The following FNDC3B variants were observed in gnomAD, a reference collection of about 807,000 sequenced individuals.
FNDC3B encodes fibronectin type III domain-containing protein 3B.
A neutral mutation model predicts 151.5 loss-of-function variants in FNDC3B; 12 were observed. The observed-to-expected ratio is 0.08, with a 90% CI of 0.05 to 0.13. The LOEUF (loss-of-function observed/expected upper bound fraction) is 0.13, where lower values mean the gene tolerates loss of function less well. Ranked by LOEUF, FNDC3B falls within the 10% of genes least tolerant of loss-of-function variation. FNDC3B has a pLI of 1.00. For synonymous variants in FNDC3B, 528 were observed against 549.0 expected, an observed-to-expected ratio of 0.96 and a Z score of 0.54; for missense variants, 1,214 against 1,505.3, an observed-to-expected ratio of 0.81 and a Z score of 3.20.
chr3:172,371,756 A>G (rs1734894770), intron 23 of FNDC3B, among the ~76,000 whole-genome samples: 1 of 152,174 alleles, frequency 6.6e-6, no homozygotes, highest in Non-Finnish European at 1.5e-5. Flanking sequence ...TGGACTCACC[A>G]GGACAGGGTG....
chr3:172,316,000 C>CTTTTTTTTT (rs555242809), intron 11 of FNDC3B, among the ~76,000 whole-genome samples: 16 of 79,882 alleles, frequency 2.0e-4, no homozygotes, highest in Non-Finnish European at 3.4e-4. Context: ...CTTTCTTCTT[C>CTTTTTTTTT]TTTTTTTTTT....
chr3:172,373,991 A>G lies in FNDC3B; in HGVS notation c.3009-4279A>G, dbSNP rs570791551. ...CATTTCATGCTAGGGTTTACCAGAA[A>G]GAAACTTAGAATCAACAGTTATCTG... On this transcript the variant is annotated intron_variant, in intron 23 of 25. Transcript: ENST00000415807. 4.6e-5 allele frequency among the ~76,000 whole-genome samples: 7 copies of G among 152,378 alleles called. No individual in the cohort carries two copies. In the East Asian group the frequency reaches 1.2e-3, roughly 25 times the overall value.
chr3:172,138,121 T>G (rs138968739), intron 3 of FNDC3B, among the ~76,000 whole-genome samples: 24 of 152,348 alleles, frequency 1.6e-4, no homozygotes, highest in Non-Finnish European at 1.2e-4. Flanking sequence ...ATGCTTCCTT[T>G]AAGACTTTAG....
At chr3:172,297,855 A>T (rs939358105) in intron 8 of FNDC3B, among the ~76,000 whole-genome samples, 1 of 152,204 alleles carries the variant, frequency 6.6e-6, no homozygotes, top group Non-Finnish European at 1.5e-5. Flanking sequence ...TTTTTAAAGA[A>T]CCACAGTGTA....
intron 9 of FNDC3B, among the ~76,000 whole-genome samples, chr3:172,299,199 T>C (rs922121525): frequency 3.3e-5 from 5 of 152,188 alleles, no homozygotes; most frequent in African/African-American, 1.2e-4. Context: ...AAGCACACCG[T>C]TAGACCTTAA....
chr3:172,332,207 T>C (rs1376294901), intron 13 of FNDC3B, among the ~76,000 whole-genome samples: 2 of 152,056 alleles, frequency 1.3e-5, no homozygotes, highest in Non-Finnish European at 2.9e-5. Flanking sequence ...CAACCTCAGG[T>C]GATCTGCCCA....
At chr3:172,046,142 A>G (rs943099843) in intron 1 of FNDC3B, among the ~76,000 whole-genome samples, 1 of 152,206 alleles carries the variant, frequency 6.6e-6, no homozygotes, top group African/African-American at 2.4e-5. Flanking sequence ...ATCGATAGAC[A>G]GTCGTGATCA....
intron 23 of FNDC3B, among the ~76,000 whole-genome samples, chr3:172,367,924 G>A (rs967129798): frequency 1.3e-5 from 2 of 152,128 alleles, no homozygotes; most frequent in Admixed American, 6.5e-5. Context: ...CCTTGTGCCC[G>A]GGACACTTTT....
intron 4 of FNDC3B, among the ~76,000 whole-genome samples, chr3:172,244,486 G>A (rs1203238483): frequency 6.6e-6 from 1 of 151,926 alleles, no homozygotes; most frequent in Non-Finnish European, 1.5e-5. Context: ...GGAGACTTAG[G>A]CATAATTTCC....
chr3:172,121,736 T>C (rs909540619), intron 2 of FNDC3B, among the ~76,000 whole-genome samples: 1 of 152,222 alleles, frequency 6.6e-6, no homozygotes, highest in African/African-American at 2.4e-5. Context: ...TATGTATGTA[T>C]GTATGTAAGT....
intron 2 of FNDC3B, among the ~76,000 whole-genome samples, chr3:172,119,595 G>C (rs190266827): frequency 6.6e-6 from 1 of 152,316 alleles, no homozygotes; most frequent in Admixed American, 6.5e-5. Flanking sequence ...GAACTATCCA[G>C]ACTTTGTACA....
intron 7 of FNDC3B, among the ~76,000 whole-genome samples, chr3:172,294,163 A>C (rs1413798685): frequency 6.6e-6 from 1 of 152,254 alleles, no homozygotes; most frequent in East Asian, 1.9e-4. Flanking sequence ...TCTAAAACCA[A>C]GTATTGAGTG....
intron 6 of FNDC3B, among the ~76,000 whole-genome samples, chr3:172,256,355 T>C (rs1157136749): frequency 1.3e-5 from 2 of 152,250 alleles, no homozygotes; most frequent in Non-Finnish European, 2.9e-5. Context: ...TCAAGAGTTT[T>C]TGCCTTCCTT....
intron 2 of FNDC3B, among the ~76,000 whole-genome samples, chr3:172,119,967 G>A (rs574822112): frequency 8.8e-4 from 134 of 152,308 alleles, no homozygotes; most frequent in African/African-American, 3.2e-3. Context: ...TCTGTGGTCT[G>A]ACTTTTCAGA....
At chr3:172,254,547 A>G (rs927699447) in intron 6 of FNDC3B, among the ~76,000 whole-genome samples, 1 of 152,124 alleles carries the variant, frequency 6.6e-6, no homozygotes, top group Non-Finnish European at 1.5e-5. Flanking sequence ...CTCAGTATAT[A>G]TTGTTAAATG....
intron 1 of FNDC3B, among the ~76,000 whole-genome samples, chr3:172,071,873 A>G (rs1317342380): frequency 1.3e-5 from 2 of 152,050 alleles, no homozygotes; most frequent in Middle Eastern, 3.4e-3. Context: ...TAGATGTTGT[A>G]TTTATCCTTG....
At chr3:172,238,934 G>T (rs570652122) in intron 4 of FNDC3B, among the ~76,000 whole-genome samples, 3 of 152,304 alleles carry the variant, frequency 2.0e-5, no homozygotes, top group East Asian at 3.9e-4. Flanking sequence ...ACTGGATTCA[G>T]ATTTTCTGAG....
rs1335390164 is a variant in FNDC3B, at chr3:172,310,389, T to TA, written c.1201-433dup. Among the ~76,000 whole-genome samples the TA allele has an allele frequency of 2.0e-5, 3 of 152,310 alleles. No individual in the cohort carries two copies. The East Asian group carries it at 5.8e-4, about 29-fold the overall frequency. ...ATGGCTTTCTAATCTTAAGTACTTT[T>TA]AAAAAATTAAAAAGCTGTATGTGGG... On this transcript the variant is annotated intron_variant, in intron 10 of 25. Transcript: ENST00000415807.
chr3:172,042,832 T>G (rs919736548), intron 1 of FNDC3B, among the ~76,000 whole-genome samples: 3 of 95,248 alleles, frequency 3.1e-5, no homozygotes, highest in African/African-American at 1.2e-4. Flanking sequence ...ACAGTTTAAG[T>G]TTTTTTTTTT....
Sources: allele counts gnomAD v4.1 joint callset (sites outside exome capture counted in the v4.1 genomes callset), GRCh38; gene constraint gnomAD v4.1.1; transcripts MANE v1.5; gene names NCBI Gene and HGNC (gene_info 2026-07-23, HGNC 2026-07-21).